The following NUP98 variants were observed in gnomAD, a reference collection of about 807,000 sequenced individuals.
The protein encoded by NUP98 is nuclear pore complex protein Nup98-Nup96.
NUP98 carries 26 observed loss-of-function variants against 191.9 expected under a neutral mutation model. That is an observed-to-expected ratio of 0.14 (90% CI 0.10 to 0.19). The LOEUF (loss-of-function observed/expected upper bound fraction) is 0.19. Ranked by LOEUF, NUP98 falls within the 10% of genes least tolerant of loss-of-function variation. The probability of loss-of-function intolerance (pLI) is 1.00; values close to 1 mark genes in which losing one functional copy is unlikely to be tolerated. For synonymous variants in NUP98, 808 were observed against 778.4 expected, an observed-to-expected ratio of 1.04 and a Z score of -0.63; for missense variants, 1,941 against 2,178.8, an observed-to-expected ratio of 0.89 and a Z score of 2.17.
intron 26 of NUP98, among the ~76,000 whole-genome samples, chr11:3,694,918 TA>T (rs368237083): frequency 0.028 from 4,243 of 151,972 alleles, 231 homozygotes; most frequent in African/African-American, 0.097. Context: ...AAAATATAAA[TA>T]AAAAAAATCA....
At chr11:3,725,832 C>CA (rs2079597156) in intron 14 of NUP98, among the ~76,000 whole-genome samples, 2 of 152,138 alleles carry the variant, frequency 1.3e-5, no homozygotes, top group South Asian at 2.1e-4. Flanking sequence ...TTTCTTTAGA[C>CA]AGAGTCTCAC....
chr11:3,787,745 G>C (rs1435879560), intron 1 of NUP98, among the ~76,000 whole-genome samples: 1 of 152,028 alleles, frequency 6.6e-6, no homozygotes, highest in African/African-American at 2.4e-5. Flanking sequence ...TGTAATCCCA[G>C]CACTCCGGGA....
Position 3,735,324 on chromosome 11 carries a change from G to C in NUP98, c.1409C>G (p.Ala470Gly), listed in dbSNP as rs766421203. The C allele has an allele frequency of 8.3e-6, 12 of 1,443,038 alleles. No individual in the cohort carries two copies. The highest frequency in any genetic ancestry group is 9.1e-6 in the Non-Finnish European group (10 of 1,101,724). The allele number at this position is 1,443,038 out of a possible 1,614,324, so 89.4% of individuals were successfully genotyped here. ...LGFGAPQAPV[A>G]LTDPNASAAQ... The stretch of plus-strand genomic sequence containing the variant: ...AGCAGAAGCATTTGGATCTGTCAAA[G>C]CTTTTAAAAAAAAAAAAAGAAAACA... Residue 470 changes from alanine (A) to glycine (G), a missense_variant and splice_region_variant, in exon 13 of 33, where the codon GCT becomes GGT. Physicochemically the swap from Ala to Gly is moderately conservative, Grantham distance 60. Coordinates refer to ENST00000324932, the MANE Select transcript of NUP98 (RefSeq NM_016320.5).
chr11:3,791,187 G>A (rs571247766), intron 1 of NUP98, among the ~76,000 whole-genome samples: 26 of 152,098 alleles, frequency 1.7e-4, no homozygotes, highest in African/African-American at 6.0e-4. Context: ...GAGCCACTGC[G>A]CCCCGCCCAC....
At position 3,735,329 on chromosome 11, in the gene NUP98, TAA is replaced by T. The variant is rs753284039; in HGVS notation, c.1409-7_1409-6del. The T allele has an allele frequency of 4.1e-4, 436 of 1,072,298 alleles. No homozygotes were observed. Among genetic ancestry groups the T allele is most frequent in the Admixed American group, 9.3e-4 (31 of 33,334 alleles). 66.4% of individuals were successfully genotyped at this position (1,072,298 alleles called of 1,614,324 possible). ...AAGCATTTGGATCTGTCAAAGCTTTTAAAAAAAAAAAAAGAAAACAAAATATA... is the reference window on the plus strand; with the variant it reads ...AAGCATTTGGATCTGTCAAAGCTTTTAAAAAAAAAAAGAAAACAAAATATA... On this transcript the variant is annotated splice_region_variant and splice_polypyrimidine_tract_variant and intron_variant, in intron 12 of 32. Transcript: ENST00000324932.
At chr11:3,684,309 G>C (rs2078071202) in intron 29 of NUP98, among the ~76,000 whole-genome samples, 1 of 152,204 alleles carries the variant, frequency 6.6e-6, no homozygotes, top group Admixed American at 6.5e-5. Flanking sequence ...GCTCGGCGCA[G>C]TGGCTCACGC....
intron 12 of NUP98, among the ~76,000 whole-genome samples, chr11:3,738,689 G>C (rs984024955): frequency 2.9e-5 from 4 of 135,822 alleles, no homozygotes; most frequent in African/African-American, 1.1e-4. Flanking sequence ...TGAGACAGGA[G>C]AATTGTCTGA....
intron 11 of NUP98, among the ~76,000 whole-genome samples, chr11:3,751,412 A>G (rs1733262410): frequency 6.6e-6 from 1 of 152,208 alleles, no homozygotes; most frequent in Admixed American, 6.5e-5. Flanking sequence ...ACATGTATGT[A>G]CAGACGTGTG....
intron 14 of NUP98, among the ~76,000 whole-genome samples, chr11:3,728,959 C>T (rs1390023174): frequency 1.3e-5 from 2 of 151,970 alleles, no homozygotes; most frequent in South Asian, 2.1e-4. Context: ...AATTTCTGAC[C>T]GGAGCAACTA....
chr11:3,749,200 C>A (rs1048615250), intron 11 of NUP98, among the ~76,000 whole-genome samples: 1 of 151,438 alleles, frequency 6.6e-6, no homozygotes, highest in Non-Finnish European at 1.5e-5. Flanking sequence ...CCCAGCTACT[C>A]GGGAGGCTGA....
chr11:3,790,913 T>TTTTG (rs1322043910), intron 1 of NUP98, among the ~76,000 whole-genome samples: 1 of 151,124 alleles, frequency 6.6e-6, no homozygotes, highest in African/African-American at 2.5e-5. Flanking sequence ...TTTTTTTTTT[T>TTTTG]GAGACAGAGT....
At chr11:3,794,445 C>G (rs2082460880) in intron 1 of NUP98, among the ~76,000 whole-genome samples, 1 of 152,114 alleles carries the variant, frequency 6.6e-6, no homozygotes, top group Non-Finnish European at 1.5e-5. Flanking sequence ...CTCAGCCTCC[C>G]GAGTAGCTGG....
chr11:3,706,662 A>G, intron 20 of NUP98, 35 bp from the exon 21 acceptor site: 4 of 1,552,736 alleles, frequency 2.6e-6, no homozygotes, highest in Non-Finnish European at 3.5e-6. Context: ...AAGCAGCATT[A>G]AATTATACCA....
intron 7 of NUP98, among the ~76,000 whole-genome samples, chr11:3,768,950 C>T (rs879454508): frequency 6.6e-6 from 1 of 152,092 alleles, no homozygotes; most frequent in Non-Finnish European, 1.5e-5. Flanking sequence ...CATCCTTACC[C>T]CAAGAAGCTT....
chr11:3,764,635 G>A (rs968222075), intron 8 of NUP98, among the ~76,000 whole-genome samples: 1 of 152,208 alleles, frequency 6.6e-6, no homozygotes, highest in South Asian at 2.1e-4. Context: ...CTGGAGTGCA[G>A]TAGCACAATC....
At chr11:3,740,779 C>CA (rs1459986419) in intron 12 of NUP98, among the ~76,000 whole-genome samples, 2 of 151,328 alleles carry the variant, frequency 1.3e-5, no homozygotes, top group African/African-American at 4.8e-5. Context: ...TACTCACGTA[C>CA]AAAGAGTTGC....
chr11:3,775,859 AAAG>A lies in NUP98; in HGVS notation c.495+20_495+22del. 1 of 1,600,548 alleles carries A rather than the reference AAAG, an allele frequency of 6.2e-7. No individual in the cohort carries two copies. The highest frequency in any genetic ancestry group is 8.5e-7 in the Non-Finnish European group (1 of 1,174,618). On this transcript the variant is annotated intron_variant, in intron 5 of 32. Coordinates refer to ENST00000324932, the MANE Select transcript of NUP98 (RefSeq NM_016320.5). ...ATACATGCGGGAAAAAACATTCCAC[AAAG>A]ATTGGAAGAAAATACATACGTTAAA...
At chr11:3,693,922 TAAGTGGCTATAAA>T (rs896959705) in intron 26 of NUP98, among the ~76,000 whole-genome samples, 24 of 152,114 alleles carry the variant, frequency 1.6e-4, no homozygotes, top group Admixed American at 7.9e-4. Flanking sequence ...AAATGGAACA[TAAGTGGCTATAAA>T]AAAGAATAAT....
chr11:3,702,522 A>T lies in NUP98; in HGVS notation c.3453T>A (p.Asn1151Lys), dbSNP rs770301812. The T allele has an allele frequency of 6.2e-7, 1 of 1,613,996 alleles. No homozygotes were observed. Among genetic ancestry groups the T allele is most frequent in the East Asian group, 2.2e-5 (1 of 44,874 alleles). Reference protein sequence around the residue: ...EQLNGSHELENHQIADSMEFG... With the variant: ...EQLNGSHELEKHQIADSMEFG... Reference sequence around the variant, plus strand: ...ACTCCATGGAATCGGCAATCTGATGATTTTCTAGTTCATGAGAGCCATTCA... The same window carrying T: ...ACTCCATGGAATCGGCAATCTGATGTTTTTCTAGTTCATGAGAGCCATTCA... The change falls in exon 23 of 33, where the codon AAT becomes AAA. Residue 1151 changes from asparagine (N) to lysine (K), a missense_variant. Transcript: ENST00000324932.
Sources: allele counts gnomAD v4.1 joint callset (sites outside exome capture counted in the v4.1 genomes callset), GRCh38; gene constraint gnomAD v4.1.1; transcripts MANE v1.5; gene names NCBI Gene and HGNC (gene_info 2026-07-23, HGNC 2026-07-21).